XKR4: variants seen among roughly 807,000 people sequenced by gnomAD.
The protein encoded by XKR4 is XK-related protein 4.
In XKR4, 12 loss-of-function variants were observed where a neutral mutation model predicts 53.9. The observed-to-expected ratio is 0.22, with a 90% CI of 0.14 to 0.36. XKR4 has a LOEUF of 0.36. Among genes scored for constraint, XKR4 ranks in the 10% least tolerant of loss-of-function variants. XKR4 has a pLI of 1.00. For missense variants in XKR4, 799 were observed against 859.5 expected, an observed-to-expected ratio of 0.93 and a Z score of 0.88; for synonymous variants, 354 against 362.4, an observed-to-expected ratio of 0.98 and a Z score of 0.26.
At chr8:55,230,611 G>T (rs557698275) in intron 1 of XKR4, among the ~76,000 whole-genome samples, 1 of 152,084 alleles carries the variant, frequency 6.6e-6, no homozygotes, top group South Asian at 2.1e-4. Context: ...CAAGTGATCC[G>T]CCCACCTCGG....
intron 1 of XKR4, among the ~76,000 whole-genome samples, chr8:55,267,528 A>G (rs1795964231): frequency 2.0e-5 from 3 of 152,188 alleles, no homozygotes; most frequent in Admixed American, 2.0e-4. Flanking sequence ...CCCAAAGCAA[A>G]GGGACTTATT....
chr8:55,304,468 A>G (rs1819261591), intron 1 of XKR4, among the ~76,000 whole-genome samples: 1 of 152,186 alleles, frequency 6.6e-6, no homozygotes, highest in Non-Finnish European at 1.5e-5. Flanking sequence ...AAGAATGTAT[A>G]TTCTGTTGAT....
chr8:55,289,741 GAA>G (rs1177824252), intron 1 of XKR4, among the ~76,000 whole-genome samples: 5 of 109,950 alleles, frequency 4.5e-5, no homozygotes, highest in East Asian at 3.2e-4. Flanking sequence ...AAGAAAGAAA[GAA>G]AAAGAAAGAA....
At position 55,523,896 on chromosome 8, in the gene XKR4, T is replaced by C. The variant is rs559227762; in HGVS notation, c.1622T>C (p.Val541Ala). 165 of 1,614,188 alleles carry C rather than the reference T, an allele frequency of 1.0e-4. No individual in the cohort carries two copies. In the South Asian group the frequency reaches 1.6e-3, roughly 16 times the overall value. Residue 541 changes from valine (V) to alanine (A), a missense_variant, in exon 3 of 3, where the codon GTG (valine) becomes GCG (alanine). Physicochemically the swap from Val to Ala is moderately conservative, Grantham distance 64 (BLOSUM62 0). Coordinates refer to ENST00000327381, the MANE Select transcript of XKR4 (RefSeq NM_052898.2). The stretch of plus-strand genomic sequence containing the variant: ...GCTGCCTTCACTTTGCCCCCAGACG[T>C]GGCCACAAGCACCCTACGGTCCATC... ...PAAAFTLPPD[V>A]ATSTLRSISN...
In XKR4 at chr8:55,523,460, G is replaced by A. The variant is rs1806831489; in HGVS notation, c.1186G>A (p.Val396Ile). 3 of 1,614,050 alleles carry A rather than the reference G, an allele frequency of 1.9e-6. No homozygotes were observed. The highest frequency in any genetic ancestry group is 2.5e-6 in the Non-Finnish European group (3 of 1,180,040). ...CATCACGTTTGCCCTCTTTGCCTCG[G>A]TTTTCCAGCTGTACTTTGGGATCTT... ...RVITFALFAS[V>I]FQLYFGIFIV... The change falls in exon 3 of 3, where the codon GTT becomes ATT. Residue 396 changes from valine (V) to isoleucine (I), a missense_variant. By Grantham distance (29) the Val-to-Ile change is conservative. This residue lies in a region of XKR4 where 54 missense variants were observed against 89.7 expected (regional missense o/e 0.60). Coordinates refer to ENST00000327381, the MANE Select transcript of XKR4 (RefSeq NM_052898.2).
At chr8:55,245,676 T>C (rs1818275472) in intron 1 of XKR4, among the ~76,000 whole-genome samples, 1 of 152,176 alleles carries the variant, frequency 6.6e-6, no homozygotes, top group Non-Finnish European at 1.5e-5. Context: ...AGTCTCCCCA[T>C]GTCAGTGAGG....
intron 1 of XKR4, among the ~76,000 whole-genome samples, chr8:55,244,395 T>C (rs1818254032): frequency 1.3e-5 from 2 of 152,352 alleles, no homozygotes; most frequent in Middle Eastern, 3.4e-3. Flanking sequence ...TAGGACATGA[T>C]CACATTCTTT....
chr8:55,222,350 G>T (rs748940368), intron 1 of XKR4, among the ~76,000 whole-genome samples: 1 of 152,130 alleles, frequency 6.6e-6, no homozygotes, highest in Non-Finnish European at 1.5e-5. Context: ...ACTGGCCACA[G>T]CTCACTGAAT....
intron 1 of XKR4, among the ~76,000 whole-genome samples, chr8:55,298,625 C>T (rs1563318565): frequency 6.6e-6 from 1 of 152,110 alleles, no homozygotes; most frequent in East Asian, 1.9e-4. Context: ...TCAGCACTTC[C>T]CACCAGGCCC....
intron 1 of XKR4, among the ~76,000 whole-genome samples, chr8:55,302,475 G>A (rs1819216643): frequency 6.6e-6 from 1 of 152,226 alleles, no homozygotes; most frequent in Non-Finnish European, 1.5e-5. Flanking sequence ...ACTTGACAAT[G>A]TGGGCTCTTT....
rs548046473 is a variant in XKR4, at chr8:55,447,908, G to T, written c.1007-75373G>T. ...ATTAAACCATTCGTTTTAAAGGAACGTAACATTAACCTCTCACAGTAAATT... is the reference window on the plus strand; with the variant it reads ...ATTAAACCATTCGTTTTAAAGGAACTTAACATTAACCTCTCACAGTAAATT... On this transcript the variant is annotated intron_variant, in intron 2 of 2. Transcript: ENST00000327381. 1.2e-3 allele frequency among the ~76,000 whole-genome samples: 186 copies of T among 152,254 alleles called. 5 individuals are homozygous for T. In the South Asian group the frequency reaches 0.037, roughly 30 times the overall value.
intron 1 of XKR4, among the ~76,000 whole-genome samples, chr8:55,137,376 A>T (rs1816645605): frequency 6.6e-6 from 1 of 152,200 alleles, no homozygotes; most frequent in South Asian, 2.1e-4. Context: ...ATTATTATAT[A>T]TTGAGCACCT....
chr8:55,134,154 A>G (rs1816594026), intron 1 of XKR4, among the ~76,000 whole-genome samples: 1 of 152,268 alleles, frequency 6.6e-6, no homozygotes, highest in Admixed American at 6.5e-5. Flanking sequence ...ATATATTAAT[A>G]TTTGCTCCCA....
At chr8:55,509,284 G>A (rs1314412375) in intron 2 of XKR4, among the ~76,000 whole-genome samples, 1 of 152,190 alleles carries the variant, frequency 6.6e-6, no homozygotes, top group Non-Finnish European at 1.5e-5. Context: ...GCTTTAAGAG[G>A]TTGATTTGTA....
At chr8:55,339,629 AT>A (rs1803511943) in intron 1 of XKR4, among the ~76,000 whole-genome samples, 1 of 152,182 alleles carries the variant, frequency 6.6e-6, no homozygotes, top group Admixed American at 6.5e-5. Context: ...GCAAGTTTAA[AT>A]TTAATACTAG....
At chr8:55,393,402 A>AGAAGGAAGGAAGGAAGGAAG (rs36208673) in intron 2 of XKR4, among the ~76,000 whole-genome samples, 1 of 144,830 alleles carries the variant, frequency 6.9e-6, no homozygotes, top group Non-Finnish European at 1.5e-5. Flanking sequence ...ATACTTCTTA[A>AGAAGGAAGGAAGGAAGGAAG]GAAGGAAGGA....
intron 2 of XKR4, among the ~76,000 whole-genome samples, chr8:55,406,065 C>T (rs567445346): frequency 6.6e-6 from 1 of 152,328 alleles, no homozygotes; most frequent in African/African-American, 2.4e-5. Flanking sequence ...GATGAGATGT[C>T]TCTGTTCCTC....
intron 1 of XKR4, among the ~76,000 whole-genome samples, chr8:55,236,230 A>G (rs1818120607): frequency 6.6e-6 from 1 of 152,142 alleles, no homozygotes. Context: ...AAGAGAGGTG[A>G]GTGATGCTTT....
chr8:55,193,975 G>A (rs4416803), intron 1 of XKR4, among the ~76,000 whole-genome samples: 32,567 of 152,134 alleles, frequency 0.21, 3,754 homozygotes, highest in East Asian at 0.28. Flanking sequence ...CTGTCCCCTG[G>A]GGCCCTGCCG....
Sources: gnomAD v4.1 joint callset for allele counts (sites outside exome capture counted in the v4.1 genomes callset) on GRCh38, gnomAD v4.1.1 for gene constraint, gnomAD v4.1.1 regional missense constraint, MANE v1.5 for transcripts, NCBI Gene and HGNC (gene_info 2026-07-23, HGNC 2026-07-21) for gene names.